The following NOP56 variants were observed in gnomAD, a reference collection of about 807,000 sequenced individuals.
NOP56 encodes nucleolar protein 56.
Under a neutral mutation model 58.3 loss-of-function variants are expected in NOP56, and 31 were observed. That is an observed-to-expected ratio of 0.53 (90% CI 0.40 to 0.72). The LOEUF (loss-of-function observed/expected upper bound fraction) is 0.72. Ranked by LOEUF, NOP56 falls within the 30% of genes least tolerant of loss-of-function variation. The pLI is 0.00. For missense variants in NOP56, 669 were observed against 739.9 expected, an observed-to-expected ratio of 0.90 and a Z score of 1.11; for synonymous variants, 313 against 282.8, an observed-to-expected ratio of 1.11 and a Z score of -1.07.
intron 8 of NOP56, 163 bp from the exon 9 acceptor site, chr20:2,656,238 C>T (rs953357742): frequency 5.0e-6 from 8 of 1,604,868 alleles, no homozygotes; most frequent in African/African-American, 4.0e-5. Flanking sequence ...GATGCCTTCC[C>T]TCTGCCTCTG....
chr20:2,652,826 C>T lies in NOP56; in HGVS notation c.4-16C>T, dbSNP rs1186948032. The T allele has an allele frequency of 6.2e-7, 1 of 1,606,848 alleles. No homozygotes were observed. The highest frequency in any genetic ancestry group is 1.1e-5 in the South Asian group (1 of 90,268). On this transcript the variant is annotated splice_polypyrimidine_tract_variant and intron_variant, in intron 1 of 11. Transcript: ENST00000329276. The stretch of plus-strand genomic sequence containing the variant: ...CTGAGGTTGCGTTGACGCTCGCGCC[C>T]CGGCTCCCGTTCCAGGTGCTGTTGC...
chr20:2,657,894 G>GTTC (rs780290546), intron 11 of NOP56, 35 bp from the exon 12 acceptor site: 4 of 1,541,756 alleles, frequency 2.6e-6, no homozygotes, highest in Middle Eastern at 1.7e-4. Flanking sequence ...AATGAGCACT[G>GTTC]TTCTCACAGC....
Position 2,657,143 on chromosome 20 carries a change from G to A in NOP56, c.1344G>A (p.Lys448=), listed in dbSNP as rs1266080816. Residue 448 remains lysine (K), a synonymous_variant, in exon 11 of 12, where the codon AAG becomes AAA. Coordinates refer to ENST00000329276, the MANE Select transcript of NOP56 (RefSeq NM_006392.4). ...KLEKQEKKRL[K]KEKKRLAALA... ...AGAAACAGGAGAAGAAACGCTTAAA[G>A]AAGGAAAAGAAACGGCTGGCTGCAC... The A allele has an allele frequency of 6.2e-7, 1 of 1,613,806 alleles. No individual in the cohort carries two copies. Among genetic ancestry groups the A allele is most frequent in the East Asian group, 2.2e-5 (1 of 44,870 alleles).
At chr20:2,653,012 G>A in intron 2 of NOP56, 81 bp downstream of exon 2, 2 of 1,314,544 alleles carry the variant, frequency 1.5e-6, no homozygotes, top group Non-Finnish European at 2.1e-6. Context: ...GCGCTCCCAC[G>A]TGGCCGGCCG....
chr20:2,654,408 C>T lies in NOP56; in HGVS notation c.209-6C>T. 6.2e-7 allele frequency: 1 copy of T among 1,613,986 alleles called. No individual in the cohort carries two copies. The highest frequency in any genetic ancestry group is 8.5e-7 in the Non-Finnish European group (1 of 1,179,966). ...TGTTAGTGGGAACTGTGTTCTTTCC[C>T]CTGAGGGGTTGTTCATGAGGACCTC... is the stretch of plus-strand genomic sequence containing the variant. On this transcript the variant is annotated splice_polypyrimidine_tract_variant and splice_region_variant and intron_variant, in intron 3 of 11. Coordinates refer to ENST00000329276, the MANE Select transcript of NOP56 (RefSeq NM_006392.4).
At position 2,657,912 on chromosome 20, in the gene NOP56, C is replaced by A; in HGVS notation, c.1420-17C>A. The A allele has an allele frequency of 6.4e-7, 1 of 1,561,588 alleles. No individual in the cohort carries two copies. The highest frequency in any genetic ancestry group is 8.7e-7 in the Non-Finnish European group (1 of 1,155,332). On this transcript the variant is annotated splice_polypyrimidine_tract_variant and intron_variant, in intron 11 of 11. Coordinates refer to ENST00000329276, the MANE Select transcript of NOP56 (RefSeq NM_006392.4). ...GAGCACTGTTCTCACAGCCTGTTCC[C>A]CTGTCCTTCCCTTTAGGAGATGAGT...
intron 4 of NOP56, 65 bp from the exon 5 acceptor site, chr20:2,654,684 G>C: frequency 6.2e-7 from 1 of 1,604,542 alleles, no homozygotes; most frequent in South Asian, 1.1e-5. Context: ...AGGCTGGGCT[G>C]GTGCCCGTGG....
Position 2,652,674 on chromosome 20 carries a change from G to GT in NOP56, c.3+13dup. On this transcript the variant is annotated intron_variant, in intron 1 of 11. Transcript: ENST00000329276. ...GGAGCTGGCGCCATGGTGAGGAGTG[G>GT]TTGCGGGGCGCGGGCGACGCGACGG... 6.9e-7 allele frequency: 1 copy of GT among 1,456,244 alleles called. No homozygotes were observed. Among genetic ancestry groups the GT allele is most frequent in the Non-Finnish European group, 9.0e-7 (1 of 1,112,178 alleles). 90.2% of individuals were successfully genotyped at this position (1,456,244 alleles called of 1,614,324 possible).
rs1218414811 is a variant in NOP56 at position 2,653,344 on chromosome 20, C to T, written c.159C>T (p.Pro53=). 11 of 1,614,186 alleles carry T rather than the reference C, an allele frequency of 6.8e-6. No individual in the cohort carries two copies. The highest frequency in any genetic ancestry group is 9.3e-6 in the Non-Finnish European group (11 of 1,180,020). ...HSIVRLVAFC[P]FASSQVALEN... The stretch of plus-strand genomic sequence containing the variant: ...TCGTTCGTCTGGTGGCCTTTTGTCC[C>T]TTTGCCTCATCCCAGGTTGCCTTGG... The change falls in exon 3 of 12, where the codon CCC becomes CCT. Residue 53 remains proline (P), a synonymous_variant. Coordinates refer to ENST00000329276, the MANE Select transcript of NOP56 (RefSeq NM_006392.4).
chr20:2,658,115 A>T lies in NOP56; in HGVS notation c.1606A>T (p.Lys536Ter). The T allele has an allele frequency of 6.2e-7, 1 of 1,614,180 alleles. No individual in the cohort carries two copies. Among genetic ancestry groups the T allele is most frequent in the Non-Finnish European group, 8.5e-7 (1 of 1,180,024 alleles). Residue 536 changes from lysine (K) to a stop codon, truncating the protein, a stop_gained, in exon 12 of 12, where the codon AAG becomes TAG. Coordinates refer to ENST00000329276, the MANE Select transcript of NOP56 (RefSeq NM_006392.4). LOFTEE classifies it low-confidence loss of function (END_TRUNC). ...CAGCACCAGTATTCCCAAGAGGAAG[A>T]AGTCTACACCCAAGGAGGAAACAGT... is the stretch of plus-strand genomic sequence containing the variant. ...AGSTSIPKRK[K>*]STPKEETVND...
At chr20:2,655,029 T>C in intron 5 of NOP56, 82 bp downstream of exon 5, 1 of 1,532,216 alleles carries the variant, frequency 6.5e-7, no homozygotes, top group Non-Finnish European at 9.0e-7. Flanking sequence ...GGACTGACCA[T>C]CCTGTGGGTA....
In NOP56 at chr20:2,654,394, ACTGTGTTCTTTCCCCTG is replaced by A; in HGVS notation, c.209-19_209-3del. Reference sequence around the variant, plus strand: ...ATCGTCCTTCAGCCTGTTAGTGGGAACTGTGTTCTTTCCCCTGAGGGGTTGTTCATGAGGACCTCCGC... The same window carrying A: ...ATCGTCCTTCAGCCTGTTAGTGGGAAAGGGGTTGTTCATGAGGACCTCCGC... On this transcript the variant is annotated splice_region_variant and splice_polypyrimidine_tract_variant and intron_variant, in intron 3 of 11. Coordinates refer to ENST00000329276, the MANE Select transcript of NOP56 (RefSeq NM_006392.4). The A allele has an allele frequency of 6.2e-7, 1 of 1,613,692 alleles. No individual in the cohort carries two copies. Among genetic ancestry groups the A allele is most frequent in the Non-Finnish European group, 8.5e-7 (1 of 1,179,806 alleles).
chr20:2,657,758 T>C, intron 11 of NOP56, 171 bp from the exon 12 acceptor site: 1 of 710,596 alleles, frequency 1.4e-6, no homozygotes, highest in South Asian at 2.5e-5. Flanking sequence ...GTTTTCCTTC[T>C]AATTTGGGAC....
chr20:2,656,051 CTGCCCACAATCAGGTGCCACTTCTGG>C lies in NOP56; in HGVS notation c.1010+25_1010+50del. ...CCTGTTCAGGTACCAGTGAGGGCACCTGCCCACAATCAGGTGCCACTTCTGGTGCCCACTGCTTGTTGGGGGATCAC... is the reference window on the plus strand; with the variant it reads ...CCTGTTCAGGTACCAGTGAGGGCACCTGCCCACTGCTTGTTGGGGGATCAC... On this transcript the variant is annotated intron_variant, in intron 8 of 11. Transcript: ENST00000329276. The C allele has an allele frequency of 6.2e-7, 1 of 1,614,114 alleles. No homozygotes were observed. The highest frequency in any genetic ancestry group is 8.5e-7 in the Non-Finnish European group (1 of 1,180,030).
At chr20:2,657,280 A>G in intron 11 of NOP56, 62 bp downstream of exon 11, 3 of 1,606,324 alleles carry the variant, frequency 1.9e-6, no homozygotes, top group Non-Finnish European at 2.6e-6. Flanking sequence ...CAGCAGAACA[A>G]AGGATATGCT....
In NOP56 at chr20:2,654,405, T is replaced by A. The variant is rs1422520617; in HGVS notation, c.209-9T>A. The stretch of plus-strand genomic sequence containing the variant: ...GCCTGTTAGTGGGAACTGTGTTCTT[T>A]CCCCTGAGGGGTTGTTCATGAGGAC... On this transcript the variant is annotated splice_polypyrimidine_tract_variant and intron_variant, in intron 3 of 11. Transcript: ENST00000329276. 3.4e-5 allele frequency: 55 copies of A among 1,613,912 alleles called. No individual in the cohort carries two copies. Among genetic ancestry groups the A allele is most frequent in the Non-Finnish European group, 4.5e-5 (53 of 1,180,000 alleles).
rs898037941 is a variant in NOP56 at position 2,655,409 on chromosome 20, A to C, written c.654A>C (p.Gly218=). ...ATYCRLAQFI[G]NRRELNEDKL... is the part of the protein sequence containing the mutation. ...ACTGCCGTCTTGCCCAGTTTATTGG[A>C]AACCGAAGGGAACTGAATGAGGACA... is the stretch of plus-strand genomic sequence containing the variant. Residue 218 remains glycine (G), a synonymous_variant, in exon 6 of 12, where the codon GGA becomes GGC. Transcript: ENST00000329276. 1.9e-6 allele frequency: 3 copies of C among 1,614,000 alleles called. No homozygotes were observed. The African/African-American group carries it at 4.0e-5, about 22-fold the overall frequency.
chr20:2,655,135 C>G (rs1187715360), intron 5 of NOP56, 188 bp downstream of exon 5: 1 of 1,047,404 alleles, frequency 9.5e-7, no homozygotes, highest in South Asian at 1.3e-5. Context: ...TAGAGTAAAC[C>G]TACCCCATAT....
Position 2,656,780 on chromosome 20 carries a change from C to A in NOP56, c.1166C>A (p.Pro389His), listed in dbSNP as rs2086826471. 6.2e-7 allele frequency: 1 copy of A among 1,613,940 alleles called. No homozygotes were observed. The highest frequency in any genetic ancestry group is 8.5e-7 in the Non-Finnish European group (1 of 1,180,014). ...ASRIDCFSEV[P>H]TSVFGEKLRE... Reference sequence around the variant, plus strand: ...GTCACCCACACACATCCAGAGGTGCCCACGAGTGTATTCGGGGAGAAGCTT... The same window carrying A: ...GTCACCCACACACATCCAGAGGTGCACACGAGTGTATTCGGGGAGAAGCTT... The change falls in exon 10 of 12, where the codon CCC becomes CAC. Residue 389 changes from proline (P) to histidine (H), a missense_variant. By Grantham distance (77) the Pro-to-His change is moderately conservative. This residue lies in a region of NOP56 where 339 missense variants were observed against 430.5 expected (regional missense o/e 0.79). Transcript: ENST00000329276.
Sources: gnomAD v4.1 joint callset for allele counts on GRCh38, gnomAD v4.1.1 for gene constraint, gnomAD v4.1.1 regional missense constraint, MANE v1.5 for transcripts, NCBI Gene and HGNC (gene_info 2026-07-23, HGNC 2026-07-21) for gene names.